Variants in FAR2 observed in about 807,000 individuals in gnomAD.
FAR2 encodes the protein epididymis secretory protein Li 81.
Under a neutral mutation model 56.0 loss-of-function variants are expected in FAR2, and 19 were observed. The ratio of observed to expected loss-of-function variants is 0.34; its 90% CI spans 0.24 to 0.50. The LOEUF is 0.50. FAR2 is among the 20% of genes least tolerant of loss of function. The pLI is 0.98. For synonymous variants in FAR2, 219 were observed against 218.8 expected (o/e 1.00, Z -0.01); for missense variants, 508 against 642.2 (o/e 0.79, Z 2.26).
intron 10 of FAR2, among the ~76,000 whole-genome samples, chr12:29,325,754 T>A (rs1203239782): frequency 1.3e-5 from 2 of 151,878 alleles, no homozygotes; most frequent in East Asian, 3.9e-4. Context: ...CAAAGCAGTG[T>A]GTAGAGGGAA....
chr12:29,243,913 C>T (rs1461408809), intron 1 of FAR2, among the ~76,000 whole-genome samples: 1 of 152,184 alleles, frequency 6.6e-6, no homozygotes, highest in Admixed American at 6.5e-5. Flanking sequence ...AGACAAAGCA[C>T]CTCATACTGA....
At chr12:29,266,612 T>C (rs1438614811) in intron 1 of FAR2, among the ~76,000 whole-genome samples, 1 of 152,042 alleles carries the variant, frequency 6.6e-6, no homozygotes, top group African/African-American at 2.4e-5. Context: ...TCAACAATAA[T>C]TTATTGCAAT....
intron 1 of FAR2, among the ~76,000 whole-genome samples, chr12:29,164,756 G>A (rs757333322): frequency 2.0e-4 from 31 of 152,144 alleles, no homozygotes; most frequent in Admixed American, 1.8e-3. Context: ...TAGACTGTTC[G>A]TGTGATGAGT....
At chr12:29,153,742 C>T (rs538414289) in intron 1 of FAR2, among the ~76,000 whole-genome samples, 1 of 151,942 alleles carries the variant, frequency 6.6e-6, no homozygotes, top group African/African-American at 2.4e-5. Flanking sequence ...GAGAAGTGCA[C>T]AGACTTGAGG....
At chr12:29,279,445 C>A (rs531395448) in intron 2 of FAR2, among the ~76,000 whole-genome samples, 2 of 152,178 alleles carry the variant, frequency 1.3e-5, no homozygotes, top group African/African-American at 2.4e-5. Flanking sequence ...TTTTTCTCAT[C>A]ATTTTAAGTC....
At chr12:29,269,510 C>A (rs551302631) in intron 1 of FAR2, among the ~76,000 whole-genome samples, 1 of 152,268 alleles carries the variant, frequency 6.6e-6, no homozygotes, top group East Asian at 1.9e-4. Flanking sequence ...CATACATCCT[C>A]CTCAGCTGAC....
intron 1 of FAR2, among the ~76,000 whole-genome samples, chr12:29,254,509 C>T (rs1452238756): frequency 6.6e-6 from 1 of 152,232 alleles, no homozygotes; most frequent in South Asian, 2.1e-4. Flanking sequence ...CTGATATATA[C>T]ATTTTCAAGG....
chr12:29,204,495 G>A (rs1183208906), intron 1 of FAR2, among the ~76,000 whole-genome samples: 1 of 152,192 alleles, frequency 6.6e-6, no homozygotes, highest in Non-Finnish European at 1.5e-5. Flanking sequence ...GACTTTAAGT[G>A]TAAAGCAGAA....
chr12:29,308,545 T>C (rs1949291079), intron 5 of FAR2, among the ~76,000 whole-genome samples: 1 of 149,230 alleles, frequency 6.7e-6, no homozygotes, highest in Non-Finnish European at 1.5e-5. Context: ...TTGACTTTTA[T>C]ACTGTAACGT....
intron 1 of FAR2, among the ~76,000 whole-genome samples, chr12:29,269,990 C>G (rs1376657145): frequency 2.6e-5 from 4 of 152,204 alleles, no homozygotes; most frequent in African/African-American, 9.7e-5. Context: ...CCTGGGACAC[C>G]ATGACCCCAG....
At chr12:29,187,030 C>A (rs188945630) in intron 1 of FAR2, among the ~76,000 whole-genome samples, 1 of 152,050 alleles carries the variant, frequency 6.6e-6, no homozygotes, top group African/African-American at 2.4e-5. Flanking sequence ...CCTCGTGATC[C>A]GCCCACCTCG....
chr12:29,269,533 TTAAAG>T (rs1169564029), intron 1 of FAR2, among the ~76,000 whole-genome samples: 6 of 152,136 alleles, frequency 3.9e-5, no homozygotes, highest in African/African-American at 1.4e-4. Flanking sequence ...GATTAAGAGA[TTAAAG>T]TAAAGACAGG....
intron 1 of FAR2, among the ~76,000 whole-genome samples, chr12:29,198,324 G>T (rs1423803643): frequency 6.6e-6 from 1 of 152,074 alleles, no homozygotes; most frequent in African/African-American, 2.4e-5. Context: ...CACCTCCCAG[G>T]TTCATGCCAT....
chr12:29,256,300 G>A (rs942277484), intron 1 of FAR2, among the ~76,000 whole-genome samples: 6 of 152,174 alleles, frequency 3.9e-5, no homozygotes, highest in East Asian at 3.9e-4. Context: ...GAATCCTCCC[G>A]GCTCAGCCTT....
intron 1 of FAR2, among the ~76,000 whole-genome samples, chr12:29,235,238 A>G (rs1947921932): frequency 6.6e-6 from 1 of 152,194 alleles, no homozygotes; most frequent in Non-Finnish European, 1.5e-5. Context: ...ACAGATGTTC[A>G]TAGAAAAACT....
chr12:29,239,545 G>A (rs1315784245), intron 1 of FAR2, among the ~76,000 whole-genome samples: 1 of 151,818 alleles, frequency 6.6e-6, no homozygotes, highest in East Asian at 1.9e-4. Context: ...AGAGGGCAGA[G>A]CATCTTGAGT....
chr12:29,239,494 G>T (rs560540098), intron 1 of FAR2, among the ~76,000 whole-genome samples: 1 of 143,120 alleles, frequency 7.0e-6, no homozygotes, highest in Admixed American at 6.9e-5. Flanking sequence ...ATAAAACTTT[G>T]TGTCCTTTTA....
intron 4 of FAR2, among the ~76,000 whole-genome samples, chr12:29,304,903 A>G (rs1298954052): frequency 6.6e-6 from 1 of 152,110 alleles, no homozygotes; most frequent in East Asian, 1.9e-4. Context: ...TGTGTTTTTT[A>G]TCTATGCTAA....
chr12:29,171,559 C>T (rs903292397), intron 1 of FAR2: 12 of 151,832 alleles, frequency 7.9e-5, no homozygotes, highest in African/African-American at 2.9e-4. Context: ...AGGAGTGCCT[C>T]TGCCCAGCTG....
Sources: allele counts gnomAD v4.1 joint callset (sites outside exome capture counted in the v4.1 genomes callset), GRCh38; gene constraint gnomAD v4.1.1; transcripts MANE v1.5; gene names NCBI Gene and HGNC (gene_info 2026-07-23, HGNC 2026-07-21).